SMAD9: variants seen among roughly 807,000 people sequenced by gnomAD.
SMAD9 encodes the protein SMAD family member 9.
A neutral mutation model predicts 46.1 loss-of-function variants in SMAD9; 36 were observed. The observed-to-expected ratio is 0.78, with a 90% CI of 0.60 to 1.03. SMAD9 has a LOEUF of 1.03. Ranked by LOEUF, SMAD9 falls within the 50% of genes least tolerant of loss-of-function variation. The pLI is 0.00. For missense variants in SMAD9, 572 were observed against 599.8 expected, an observed-to-expected ratio of 0.95 and a Z score of 0.48; for synonymous variants, 245 against 237.1, an observed-to-expected ratio of 1.03 and a Z score of -0.31.
chr13:36,861,136 AC>A (rs975782842), intron 5 of SMAD9, among the ~76,000 whole-genome samples: 2 of 152,164 alleles, frequency 1.3e-5, no homozygotes, highest in Non-Finnish European at 2.9e-5. Context: ...ACCCATCATC[AC>A]CACTAGAGAA....
chr13:36,891,885 T>G (rs1226495166), intron 1 of SMAD9, among the ~76,000 whole-genome samples: 1 of 152,194 alleles, frequency 6.6e-6, no homozygotes, highest in Non-Finnish European at 1.5e-5. Flanking sequence ...AGCACTTCTT[T>G]AGATTTGCAG....
At chr13:36,868,360 A>T (rs984022117) in intron 3 of SMAD9, among the ~76,000 whole-genome samples, 1 of 152,252 alleles carries the variant, frequency 6.6e-6, no homozygotes, top group African/African-American at 2.4e-5. Context: ...GAGAAAATGG[A>T]CTATGACTCC....
intron 1 of SMAD9, among the ~76,000 whole-genome samples, chr13:36,886,358 C>A (rs2058444599): frequency 6.6e-6 from 1 of 152,228 alleles, no homozygotes. Context: ...CTGAGCTGTA[C>A]TGAAATGCAG....
chr13:36,893,594 T>C (rs2058506107), intron 1 of SMAD9, among the ~76,000 whole-genome samples: 2 of 151,554 alleles, frequency 1.3e-5, no homozygotes, highest in African/African-American at 4.8e-5. Context: ...GAATTTCATA[T>C]AGTAATAAAA....
Position 36,920,184 on chromosome 13 carries a change from A to AGCGGCGGCGGCG in SMAD9, c.-256_-255insCGCCGCCGCCGC, listed in dbSNP as rs886050176. On this transcript the variant is annotated 5_prime_UTR_variant, in exon 1 of 7. Coordinates refer to ENST00000379826, the MANE Select transcript of SMAD9 (RefSeq NM_001127217.3). Reference sequence around the variant, plus strand: ...CGGCGGGGACCGAGACAGCGGCTGCAGCAGCGGCGGCGGCGGCGGCGGCGG... The same window carrying AGCGGCGGCGGCG: ...CGGCGGGGACCGAGACAGCGGCTGCAGCGGCGGCGGCGGCAGCGGCGGCGGCGGCGGCGGCGG... 4.1e-5 allele frequency: 3 copies of AGCGGCGGCGGCG among 72,814 alleles called. No homozygotes were observed. The highest frequency in any genetic ancestry group is 9.5e-5 in the African/African-American group (3 of 31,502). 4.5% of individuals were successfully genotyped at this position (72,814 alleles called of 1,614,324 possible). A position where few individuals can be genotyped will look rare whatever the true frequency, so the allele number is the denominator to read the frequency against.
rs570233406 is a variant in SMAD9 at position 36,851,909 on chromosome 13, A to C, written c.1260+1510T>G. ...TCTATATAAGCTTATATTTAATCAGAGTGAAATAATTACCTATGAGATATT... is the reference window on the plus strand; with the variant it reads ...TCTATATAAGCTTATATTTAATCAGCGTGAAATAATTACCTATGAGATATT... On this transcript the variant is annotated intron_variant, in intron 6 of 6. Coordinates refer to ENST00000379826, the MANE Select transcript of SMAD9 (RefSeq NM_001127217.3). 1.1e-4 allele frequency: 109 copies of C among 968,586 alleles called. No homozygotes were observed. The South Asian group carries it at 4.3e-3, about 39-fold the overall frequency. The allele number at this position is 968,586 out of a possible 1,614,324, so 60.0% of individuals were successfully genotyped here.
chr13:36,879,143 T>C (rs2058375297), intron 2 of SMAD9, 135 bp downstream of exon 2: 1 of 785,332 alleles, frequency 1.3e-6, no homozygotes, highest in East Asian at 2.8e-5. Flanking sequence ...CCCTCAAAAC[T>C]GAACCTCCCT....
chr13:36,872,042 A>T (rs1318132294), intron 3 of SMAD9, among the ~76,000 whole-genome samples: 1 of 152,156 alleles, frequency 6.6e-6, no homozygotes, highest in Non-Finnish European at 1.5e-5. Context: ...TCCACTTTAC[A>T]GGTATGGTAG....
chr13:36,881,165 T>C (rs2058399610), intron 1 of SMAD9, among the ~76,000 whole-genome samples: 3 of 152,244 alleles, frequency 2.0e-5, no homozygotes, highest in Admixed American at 6.5e-5. Flanking sequence ...CAGTCTCATT[T>C]AAATTTCCTG....
chr13:36,875,005 T>A (rs2058333373), intron 2 of SMAD9, among the ~76,000 whole-genome samples: 1 of 151,826 alleles, frequency 6.6e-6, no homozygotes, highest in South Asian at 2.1e-4. Context: ...AAGCATATTA[T>A]ATATTATCTA....
chr13:36,901,682 C>A (rs559646980), intron 1 of SMAD9, among the ~76,000 whole-genome samples: 1 of 152,334 alleles, frequency 6.6e-6, no homozygotes, highest in South Asian at 2.1e-4. Flanking sequence ...CCTGCCTCGG[C>A]CTCCCAAAGT....
chr13:36,888,354 G>A (rs548458343), intron 1 of SMAD9, among the ~76,000 whole-genome samples: 56 of 152,138 alleles, frequency 3.7e-4, no homozygotes, highest in Non-Finnish European at 7.3e-4. Context: ...CATGTAACAT[G>A]TGCCTTGCTT....
At chr13:36,920,564 G>C (rs2058738165), upstream of SMAD9, 1 of 152,240 alleles carries the variant, frequency 6.6e-6, no homozygotes, top group African/African-American at 2.4e-5. Flanking sequence ...CGGCCTGCCG[G>C]GGTGGCCCGG....
In SMAD9 at chr13:36,905,934, G is replaced by A. The variant is rs558872335; in HGVS notation, c.-187+14182C>T. ...AATCCTCCCGCTTCAGCCTCCCAAA[G>A]TGCTAGTATTACAAGTATGAGCCAC... On this transcript the variant is annotated intron_variant, in intron 1 of 6. Coordinates refer to ENST00000379826, the MANE Select transcript of SMAD9 (RefSeq NM_001127217.3). Among the ~76,000 whole-genome samples, 4 of 151,856 alleles carry A rather than the reference G, an allele frequency of 2.6e-5. No homozygotes were observed. In the South Asian group the frequency reaches 8.3e-4, roughly 32 times the overall value.
In SMAD9 at chr13:36,907,734, T is replaced by A. The variant is rs188796749; in HGVS notation, c.-187+12382A>T. ...CATTACTATTTATATTTTATCACAA[T>A]AAAGGAAAATCCTATCCAAATGTTA... On this transcript the variant is annotated intron_variant, in intron 1 of 6. Transcript: ENST00000379826. Among the ~76,000 whole-genome samples, 985 of 152,306 alleles carry A rather than the reference T, an allele frequency of 6.5e-3. 4 individuals are homozygous for A. Among genetic ancestry groups the A allele is most frequent in the Non-Finnish European group, 9.2e-3 (623 of 68,024 alleles).
intron 6 of SMAD9, chr13:36,851,536 G>C (rs1051177168): frequency 2.6e-5 from 4 of 153,412 alleles, no homozygotes; most frequent in African/African-American, 9.7e-5. Flanking sequence ...CTAGAATATT[G>C]GTTCCCTGAG....
intron 1 of SMAD9, among the ~76,000 whole-genome samples, chr13:36,886,607 G>A (rs980301256): frequency 5.3e-5 from 8 of 152,270 alleles, no homozygotes; most frequent in African/African-American, 1.9e-4. Context: ...GCCCTGCCCA[G>A]TGGGGAGCAA....
At chr13:36,913,624 T>A (rs2058677532) in intron 1 of SMAD9, among the ~76,000 whole-genome samples, 1 of 152,194 alleles carries the variant, frequency 6.6e-6, no homozygotes, top group Non-Finnish European at 1.5e-5. Context: ...TACCAACTTG[T>A]CATTATTTGC....
intron 1 of SMAD9, among the ~76,000 whole-genome samples, chr13:36,914,519 AAAAAAC>A (rs1272863024): frequency 6.6e-6 from 1 of 152,060 alleles, no homozygotes; most frequent in Non-Finnish European, 1.5e-5. Context: ...ACTCCATCTC[AAAAAAC>A]AAAAACAAAA....
Sources: gnomAD v4.1 joint callset for allele counts (sites outside exome capture counted in the v4.1 genomes callset) on GRCh38, gnomAD v4.1.1 for gene constraint, MANE v1.5 for transcripts, NCBI Gene and HGNC (gene_info 2026-07-23, HGNC 2026-07-21) for gene names.